Variants in TENM3 observed in about 807,000 individuals in gnomAD.
TENM3 encodes the protein teneurin transmembrane protein 3, also known as teneurin-3.
TENM3 carries 63 observed loss-of-function variants against 255.1 expected under a neutral mutation model. The observed-to-expected ratio is 0.25, with a 90% CI of 0.20 to 0.30. The LOEUF is 0.30. Among genes scored for constraint, TENM3 ranks in the 10% least tolerant of loss-of-function variants. TENM3 has a pLI of 1.00. For synonymous variants in TENM3, 1,306 were observed against 1,322.3 expected (o/e 0.99, Z 0.27); for missense variants, 2,929 against 3,461.1 (o/e 0.85, Z 3.86).
chr4:182,770,438 A>C (rs1764104152), intron 22 of TENM3, among the ~76,000 whole-genome samples: 1 of 151,860 alleles, frequency 6.6e-6, no homozygotes. Flanking sequence ...GGGCCCCTGC[A>C]CCCCGACACC....
At chr4:181,674,805 T>C in the TENM3 span, among the ~76,000 whole-genome samples, 1 of 152,274 alleles carries the variant, frequency 6.6e-6, no homozygotes, top group Middle Eastern at 3.4e-3. Context: ...TCTTGCTTTT[T>C]TTAAAATATA....
the TENM3 span, among the ~76,000 whole-genome samples, chr4:182,026,021 T>C: frequency 2.0e-5 from 3 of 152,158 alleles, no homozygotes; most frequent in Non-Finnish European, 4.4e-5. Context: ...TTCCCCACCC[T>C]GTGTCCGTGT....
intron 5 of TENM3, among the ~76,000 whole-genome samples, chr4:182,649,022 A>G (rs1391839431): frequency 1.3e-5 from 2 of 152,144 alleles, no homozygotes; most frequent in African/African-American, 4.8e-5. Flanking sequence ...GGCTATTACA[A>G]ATAATGCTTC....
intron 1 of TENM3, among the ~76,000 whole-genome samples, chr4:182,158,281 T>A (rs2122439): frequency 1.3e-5 from 2 of 152,022 alleles, no homozygotes; most frequent in South Asian, 4.1e-4. Context: ...CTCATTGGGG[T>A]AATAAAAAAC....
rs1767040189 is a variant in TENM3 at position 182,802,364 on chromosome 4, G to C, written c.*2013G>C. 6.6e-6 allele frequency: 1 copy of C among 152,620 alleles called. No individual in the cohort carries two copies. 9.5% of individuals were successfully genotyped at this position (152,620 alleles called of 1,614,324 possible). ...ATGAGATTTCAAACCACATAAACAT[G>C]ATTCTGTTTTCCATTTTATTTTTTA... On this transcript the variant is annotated 3_prime_UTR_variant, in exon 28 of 28. Coordinates refer to ENST00000511685, the MANE Select transcript of TENM3 (RefSeq NM_001080477.4).
chr4:182,693,590 C>T (rs1159424785), intron 12 of TENM3, among the ~76,000 whole-genome samples: 1 of 152,030 alleles, frequency 6.6e-6, no homozygotes, highest in Non-Finnish European at 1.5e-5. Context: ...CCACTGCGCC[C>T]GTCCTTTAGC....
At position 182,753,577 on chromosome 4, in the gene TENM3, T is replaced by C; in HGVS notation, c.3990T>C (p.Thr1330=). The C allele has an allele frequency of 6.2e-7, 1 of 1,613,948 alleles. No homozygotes were observed. The highest frequency in any genetic ancestry group is 8.5e-7 in the Non-Finnish European group (1 of 1,179,864). ...SNDLTSARPL[T]CDTSMHISQV... is the part of the protein sequence containing the mutation. The stretch of plus-strand genomic sequence containing the variant: ...ATTTGACTTCAGCCAGACCTTTAAC[T>C]TGTGACACCAGCATGCACATCAGCC... The change falls in exon 21 of 28, where the codon ACT becomes ACC. Residue 1330 remains threonine (T), a synonymous_variant. Coordinates refer to ENST00000511685, the MANE Select transcript of TENM3 (RefSeq NM_001080477.4).
At chr4:182,576,063 G>C (rs1376383346) in intron 3 of TENM3, among the ~76,000 whole-genome samples, 1 of 152,138 alleles carries the variant, frequency 6.6e-6, no homozygotes, top group East Asian at 1.9e-4. Context: ...GCTTACTTTA[G>C]ACAATGTTAA....
At chr4:182,037,887 A>G in the TENM3 span, among the ~76,000 whole-genome samples, 1 of 152,072 alleles carries the variant, frequency 6.6e-6, no homozygotes, top group South Asian at 2.1e-4. Flanking sequence ...GCTGGAATGC[A>G]GTGGTGCCAT....
chr4:182,263,100 C>T (rs1758964865), intron 1 of TENM3, among the ~76,000 whole-genome samples: 1 of 152,136 alleles, frequency 6.6e-6, no homozygotes, highest in South Asian at 2.1e-4. Flanking sequence ...TCATATTTCT[C>T]TGTCCTGTAA....
the TENM3 span, among the ~76,000 whole-genome samples, chr4:181,833,496 A>T: frequency 6.6e-6 from 1 of 152,202 alleles, no homozygotes. Flanking sequence ...AAAACCTCTG[A>T]TTAGTTTCTA....
chr4:181,518,397 A>G, the TENM3 span, among the ~76,000 whole-genome samples: 15,221 of 151,658 alleles, frequency 0.1, 902 homozygotes, highest in South Asian at 0.26. Flanking sequence ...TTTCGATAGG[A>G]CTTGTTTTTT....
At chr4:182,106,329 C>T in the TENM3 span, among the ~76,000 whole-genome samples, 3 of 152,178 alleles carry the variant, frequency 2.0e-5, no homozygotes, top group South Asian at 2.1e-4. Context: ...GGTGTGGTAG[C>T]GCACGCCTGT....
the TENM3 span, among the ~76,000 whole-genome samples, chr4:181,957,807 G>A: frequency 6.6e-5 from 10 of 152,244 alleles, no homozygotes; most frequent in South Asian, 4.1e-4. Context: ...GATAGAGAAC[G>A]AACAATGAAG....
At chr4:181,818,986 A>G in the TENM3 span, among the ~76,000 whole-genome samples, 6 of 152,294 alleles carry the variant, frequency 3.9e-5, no homozygotes, top group Admixed American at 1.3e-4. Context: ...CATGAAGACC[A>G]TGACCATGGT....
rs9654292 is a variant in TENM3, at chr4:182,478,306, C to T, written c.512-122618C>T. Among the ~76,000 whole-genome samples, 3 of 151,936 alleles carry T rather than the reference C, an allele frequency of 2.0e-5. No homozygotes were observed. In the South Asian group the frequency reaches 6.2e-4, roughly 31 times the overall value. Reference sequence around the variant, plus strand: ...CTAATGTCATGTGAAAATTTATTGACTATTTTATTTTTTGAAATATTAGTG... The same window carrying T: ...CTAATGTCATGTGAAAATTTATTGATTATTTTATTTTTTGAAATATTAGTG... On this transcript the variant is annotated intron_variant, in intron 3 of 27. Coordinates refer to ENST00000511685, the MANE Select transcript of TENM3 (RefSeq NM_001080477.4).
chr4:182,368,050 C>G (rs534354554), intron 3 of TENM3, among the ~76,000 whole-genome samples: 1 of 152,212 alleles, frequency 6.6e-6, no homozygotes, highest in African/African-American at 2.4e-5. Flanking sequence ...AGAGTAAGAC[C>G]CTAGCGATTG....
chr4:182,527,907 T>C (rs1469698492), intron 3 of TENM3, among the ~76,000 whole-genome samples: 6 of 152,118 alleles, frequency 3.9e-5, no homozygotes. Flanking sequence ...TTTGTATTTT[T>C]AGTAGAGACG....
the TENM3 span, among the ~76,000 whole-genome samples, chr4:181,773,755 GT>G: frequency 6.6e-6 from 1 of 152,104 alleles, no homozygotes; most frequent in South Asian, 2.1e-4. Flanking sequence ...ATTAGGTTGT[GT>G]TTATAACTGC....
Sources: gnomAD v4.1 joint callset for allele counts (sites outside exome capture counted in the v4.1 genomes callset) on GRCh38, gnomAD v4.1.1 for gene constraint, MANE v1.5 for transcripts, NCBI Gene and HGNC (gene_info 2026-07-23, HGNC 2026-07-21) for gene names.